The following SCHIP1 variants were observed in gnomAD, a reference collection of about 807,000 sequenced individuals.
The protein encoded by SCHIP1 is schwannomin-interacting protein 1.
Under a neutral mutation model 29.7 loss-of-function variants are expected in SCHIP1, and 8 were observed. The observed-to-expected ratio is 0.27, with a 90% confidence interval of 0.16 to 0.49. SCHIP1 has a LOEUF of 0.49. SCHIP1 is among the 20% of genes least tolerant of loss of function. The probability of loss-of-function intolerance (pLI) is 0.99; values close to 1 mark genes in which losing one functional copy is unlikely to be tolerated. For missense variants in SCHIP1, 193 were observed against 294.6 expected (o/e 0.66, Z 2.52); for synonymous variants, 76 against 94.9 (o/e 0.80, Z 1.16).
At chr3:159,548,874 C>T in the SCHIP1 span, among the ~76,000 whole-genome samples, 5 of 152,064 alleles carry the variant, frequency 3.3e-5, no homozygotes, top group African/African-American at 1.2e-4. Context: ...TGAGTTATCT[C>T]AGGTTTAGTC....
At chr3:159,403,998 C>T in the SCHIP1 span, among the ~76,000 whole-genome samples, 1 of 152,110 alleles carries the variant, frequency 6.6e-6, no homozygotes, top group Admixed American at 6.5e-5. Flanking sequence ...GGTCCTAGTT[C>T]CTGGATAACA....
At chr3:159,826,818 ACT>A in the SCHIP1 span, among the ~76,000 whole-genome samples, 4 of 152,114 alleles carry the variant, frequency 2.6e-5, no homozygotes, top group African/African-American at 9.7e-5. Flanking sequence ...TCTGAAAGAG[ACT>A]CTCTTTGCTA....
At chr3:159,564,721 C>T in the SCHIP1 span, among the ~76,000 whole-genome samples, 21 of 152,226 alleles carry the variant, frequency 1.4e-4, no homozygotes, top group South Asian at 1.0e-3. Flanking sequence ...GCCTGTACAG[C>T]GTATACTCTT....
At chr3:159,875,972 AGAAC>A (rs1196164224) in intron 2 of SCHIP1, among the ~76,000 whole-genome samples, 3 of 152,232 alleles carry the variant, frequency 2.0e-5, no homozygotes, top group Non-Finnish European at 1.5e-5. Context: ...ATTTCTGATG[AGAAC>A]AGAAACCATT....
chr3:159,896,828 G>A, exon 7 of SCHIP1: 1 of 1,550,792 alleles, frequency 6.4e-7, no homozygotes, highest in Non-Finnish European at 8.7e-7. Context: ...TTCTGTGGTT[G>A]TAAAAATGCT....
At chr3:159,481,113 T>A in the SCHIP1 span, among the ~76,000 whole-genome samples, 1 of 152,154 alleles carries the variant, frequency 6.6e-6, no homozygotes, top group Non-Finnish European at 1.5e-5. Context: ...CTTCAGTTAC[T>A]TCAGGCCATC....
At chr3:159,572,889 T>G in the SCHIP1 span, among the ~76,000 whole-genome samples, 1 of 152,282 alleles carries the variant, frequency 6.6e-6, no homozygotes, top group East Asian at 1.9e-4. Context: ...TTGATCTTTG[T>G]TGGTTTAAAG....
the SCHIP1 span, chr3:159,273,638 A>T: frequency 8.0e-4 from 1,067 of 1,340,518 alleles, 8 homozygotes; most frequent in African/African-American, 0.015. Flanking sequence ...ATCTACTTTG[A>T]GCTGCTTGAG....
chr3:159,731,046 T>G, the SCHIP1 span, among the ~76,000 whole-genome samples: 1 of 152,244 alleles, frequency 6.6e-6, no homozygotes, highest in East Asian at 1.9e-4. Flanking sequence ...TATGAGACTC[T>G]ATAATCAAGC....
the SCHIP1 span, among the ~76,000 whole-genome samples, chr3:159,471,431 A>G: frequency 1.5e-3 from 236 of 152,270 alleles, 1 homozygote; most frequent in Middle Eastern, 6.8e-3. Flanking sequence ...ATTTAGATTT[A>G]TAACTCACAC....
At chr3:159,275,671 A>C in the SCHIP1 span, among the ~76,000 whole-genome samples, 2 of 152,114 alleles carry the variant, frequency 1.3e-5, no homozygotes, top group African/African-American at 4.8e-5. Flanking sequence ...ATTGTTGTCT[A>C]TGTATTTATT....
At chr3:159,805,571 T>C in the SCHIP1 span, among the ~76,000 whole-genome samples, 1 of 152,218 alleles carries the variant, frequency 6.6e-6, no homozygotes, top group African/African-American at 2.4e-5. Flanking sequence ...GTAGTCCTTT[T>C]CACACCTGTA....
At chr3:159,318,302 C>A in the SCHIP1 span, among the ~76,000 whole-genome samples, 1 of 152,184 alleles carries the variant, frequency 6.6e-6, no homozygotes, top group African/African-American at 2.4e-5. Flanking sequence ...CATACCTCTT[C>A]CCCAAATTTC....
chr3:159,570,532 G>A, the SCHIP1 span, among the ~76,000 whole-genome samples: 462 of 152,244 alleles, frequency 3.0e-3, 4 homozygotes, highest in African/African-American at 0.01. Flanking sequence ...GTGCCATGCC[G>A]TTTTGGTTAC....
At chr3:159,592,183 G>A in the SCHIP1 span, among the ~76,000 whole-genome samples, 1 of 151,980 alleles carries the variant, frequency 6.6e-6, no homozygotes, top group South Asian at 2.1e-4. Flanking sequence ...AACTGAAATG[G>A]GATCTTTTTA....
At chr3:159,773,828 A>G in the SCHIP1 span, among the ~76,000 whole-genome samples, 1 of 152,256 alleles carries the variant, frequency 6.6e-6, no homozygotes, top group African/African-American at 2.4e-5. Context: ...TCACCCCACA[A>G]GTGAAGACAG....
At chr3:159,554,901 A>G in the SCHIP1 span, among the ~76,000 whole-genome samples, 5 of 151,990 alleles carry the variant, frequency 3.3e-5, no homozygotes, top group African/African-American at 4.8e-5. Context: ...TTCCACCTCC[A>G]GTTTGTTTAT....
the SCHIP1 span, among the ~76,000 whole-genome samples, chr3:159,395,132 G>T: frequency 6.6e-6 from 1 of 152,044 alleles, no homozygotes; most frequent in Non-Finnish European, 1.5e-5. Context: ...ATTCTCTGAT[G>T]GTAGTTTGTA....
chr3:159,623,177 A>C, the SCHIP1 span, among the ~76,000 whole-genome samples: 4 of 152,224 alleles, frequency 2.6e-5, no homozygotes, highest in Non-Finnish European at 5.9e-5. Context: ...TGTTTTAAAA[A>C]GTAAACTGCA....
Sources: gnomAD v4.1 joint callset for allele counts (sites outside exome capture counted in the v4.1 genomes callset) on GRCh38, gnomAD v4.1.1 for gene constraint, MANE v1.5 for transcripts, NCBI Gene and HGNC (gene_info 2026-07-23, HGNC 2026-07-21) for gene names.